The following NKAIN3 variants were observed in gnomAD, a reference collection of about 807,000 sequenced individuals.
NKAIN3 encodes the protein sodium/potassium-transporting ATPase subunit beta-1-interacting protein 3.
Under a neutral mutation model 30.2 loss-of-function variants are expected in NKAIN3, and 25 were observed. The ratio of observed to expected loss-of-function variants is 0.83; its 90% CI spans 0.60 to 1.16. The LOEUF (loss-of-function observed/expected upper bound fraction) is 1.16, where lower values mean the gene tolerates loss of function less well. NKAIN3 is among the 50% of genes most tolerant of loss of function. NKAIN3 has a pLI of 0.00. For synonymous variants in NKAIN3, 91 were observed against 89.6 expected, an observed-to-expected ratio of 1.02 and a Z score of -0.09; for missense variants, 225 against 254.1, an observed-to-expected ratio of 0.89 and a Z score of 0.78.
At chr8:62,925,642 A>G (rs1313080883) in intron 5 of NKAIN3, among the ~76,000 whole-genome samples, 2 of 152,162 alleles carry the variant, frequency 1.3e-5, no homozygotes, top group Non-Finnish European at 2.9e-5. Context: ...GCCAATATCT[A>G]GCTCTGTGAC....
chr8:62,504,536 A>G (rs1258211222), intron 1 of NKAIN3, among the ~76,000 whole-genome samples: 1 of 152,096 alleles, frequency 6.6e-6, no homozygotes, highest in African/African-American at 2.4e-5. Context: ...TCTAGATTCC[A>G]TAGAGTCCAC....
intron 4 of NKAIN3, among the ~76,000 whole-genome samples, chr8:62,850,914 G>A (rs892268997): frequency 2.0e-5 from 3 of 152,024 alleles, no homozygotes; most frequent in African/African-American, 7.3e-5. Context: ...TGTTCTTTTG[G>A]CTTAGCATTG....
At chr8:62,602,893 C>T in intron 3 of NKAIN3, among the ~76,000 whole-genome samples, 1 of 152,046 alleles carries the variant, frequency 6.6e-6, no homozygotes, top group Admixed American at 6.6e-5. Flanking sequence ...GTTAACATTT[C>T]AGAACATTAC....
At chr8:62,564,063 A>AATCC (rs1268534488) in intron 1 of NKAIN3, among the ~76,000 whole-genome samples, 3 of 152,314 alleles carry the variant, frequency 2.0e-5, no homozygotes, top group African/African-American at 7.2e-5. Flanking sequence ...ATAGGGATTC[A>AATCC]AACACATTAG....
intron 3 of NKAIN3, among the ~76,000 whole-genome samples, chr8:62,646,766 T>A (rs1343819431): frequency 6.6e-6 from 1 of 152,062 alleles, no homozygotes; most frequent in African/African-American, 2.4e-5. Context: ...ACCATGCATA[T>A]AACATGTAAA....
intron 1 of NKAIN3, among the ~76,000 whole-genome samples, chr8:62,567,333 C>A (rs1049045884): frequency 2.0e-5 from 3 of 152,034 alleles, no homozygotes; most frequent in Admixed American, 6.6e-5. Context: ...TGCCCACTAG[C>A]AGGCAGGGTA....
At chr8:62,661,291 C>T (rs1014569819) in intron 3 of NKAIN3, among the ~76,000 whole-genome samples, 1 of 152,140 alleles carries the variant, frequency 6.6e-6, no homozygotes, top group African/African-American at 2.4e-5. Flanking sequence ...TGGTAATGCA[C>T]TTTTCTGTCT....
At chr8:62,496,805 G>A (rs2129651710) in intron 1 of NKAIN3, among the ~76,000 whole-genome samples, 1 of 152,206 alleles carries the variant, frequency 6.6e-6, no homozygotes, top group South Asian at 2.1e-4. Context: ...TCCTCTTTCT[G>A]GTAGCAGAGG....
At chr8:62,452,698 T>G (rs965721179) in intron 1 of NKAIN3, among the ~76,000 whole-genome samples, 1 of 152,150 alleles carries the variant, frequency 6.6e-6, no homozygotes, top group Non-Finnish European at 1.5e-5. Flanking sequence ...ATTTTGTAAT[T>G]TATCCCTTAT....
intron 1 of NKAIN3, among the ~76,000 whole-genome samples, chr8:62,448,103 G>T (rs1805539252): frequency 6.6e-6 from 1 of 151,858 alleles, no homozygotes. Context: ...TGAACAAATT[G>T]ATTGTTTTAT....
chr8:62,685,550 A>C (rs1461005595), intron 3 of NKAIN3, among the ~76,000 whole-genome samples: 1 of 152,190 alleles, frequency 6.6e-6, no homozygotes, highest in African/African-American at 2.4e-5. Context: ...CTTTCCTTTT[A>C]ACAAAGCAAG....
chr8:62,369,633 A>C (rs1372447406), intron 1 of NKAIN3, among the ~76,000 whole-genome samples: 1 of 152,064 alleles, frequency 6.6e-6, no homozygotes, highest in Non-Finnish European at 1.5e-5. Flanking sequence ...GAGAAATGGA[A>C]TTGGATTCTT....
intron 1 of NKAIN3, among the ~76,000 whole-genome samples, chr8:62,411,175 G>A (rs775208689): frequency 7.6e-4 from 116 of 152,132 alleles, no homozygotes; most frequent in Non-Finnish European, 1.4e-3. Flanking sequence ...ACCAAATCCC[G>A]CAACATATCA....
chr8:62,882,117 T>A (rs1821000448), intron 4 of NKAIN3, among the ~76,000 whole-genome samples: 1 of 152,162 alleles, frequency 6.6e-6, no homozygotes, highest in African/African-American at 2.4e-5. Context: ...TATAGCTGAG[T>A]TTTAAGAGTT....
intron 4 of NKAIN3, among the ~76,000 whole-genome samples, chr8:62,804,273 A>T (rs1818190336): frequency 6.6e-6 from 1 of 152,230 alleles, no homozygotes; most frequent in African/African-American, 2.4e-5. Context: ...TGAGGCCAGC[A>T]TCATCCTGAT....
chr8:62,552,206 A>G (rs1373901390), intron 1 of NKAIN3, among the ~76,000 whole-genome samples: 1 of 152,156 alleles, frequency 6.6e-6, no homozygotes, highest in Non-Finnish European at 1.5e-5. Context: ...TATGGTTCTC[A>G]TTTCTCATTT....
intron 4 of NKAIN3, among the ~76,000 whole-genome samples, chr8:62,782,917 G>T (rs1042702264): frequency 6.6e-6 from 1 of 151,726 alleles, no homozygotes; most frequent in Non-Finnish European, 1.5e-5. Context: ...AATATTGTGT[G>T]TATTTCAAAA....
chr8:62,989,794 C>T (rs1337424948), downstream of NKAIN3, among the ~76,000 whole-genome samples: 1 of 152,206 alleles, frequency 6.6e-6, no homozygotes, highest in Non-Finnish European at 1.5e-5. Context: ...TCTTTCTACA[C>T]CCTAAGAAAT....
chr8:62,632,316 T>G (rs6999478), intron 3 of NKAIN3, among the ~76,000 whole-genome samples: 3,089 of 152,246 alleles, frequency 0.02, 89 homozygotes, highest in African/African-American at 0.069. Context: ...TTATTAACCC[T>G]TTAGAGAACA....
Sources: allele counts gnomAD v4.1 joint callset (sites outside exome capture counted in the v4.1 genomes callset), GRCh38; gene constraint gnomAD v4.1.1; transcripts MANE v1.5; gene names NCBI Gene and HGNC (gene_info 2026-07-23, HGNC 2026-07-21).